The following TAB2 variants were observed in gnomAD, a reference collection of about 807,000 sequenced individuals.
The protein encoded by TAB2 is TGF-beta activated kinase 1 (MAP3K7) binding protein 2.
TAB2 carries 3 observed loss-of-function variants against 65.0 expected under a neutral mutation model. The ratio of observed to expected loss-of-function variants is 0.05; its 90% CI spans 0.02 to 0.12. The LOEUF is 0.12. Ranked by LOEUF, TAB2 falls within the 10% of genes least tolerant of loss-of-function variation. The probability of loss-of-function intolerance (pLI) is 1.00; values close to 1 mark genes in which losing one functional copy is unlikely to be tolerated. For synonymous variants in TAB2, 298 were observed against 285.1 expected (o/e 1.05, Z -0.46); for missense variants, 623 against 840.3 (o/e 0.74, Z 3.20).
At chr6:149,271,099 T>C (rs953196707) in intron 1 of TAB2, among the ~76,000 whole-genome samples, 3 of 152,000 alleles carry the variant, frequency 2.0e-5, no homozygotes, top group African/African-American at 7.3e-5. Flanking sequence ...TGTTAGCTAC[T>C]TGGGAGGCTT....
At chr6:149,370,167 A>C in intron 2 of TAB2, 68 bp downstream of exon 2, 1 of 1,320,494 alleles carries the variant, frequency 7.6e-7, no homozygotes, top group Non-Finnish European at 1.1e-6. Context: ...TGGAAGAAAA[A>C]CTCTTTTAGG....
chr6:149,287,025 G>A (rs1225363747), intron 1 of TAB2, among the ~76,000 whole-genome samples: 2 of 152,158 alleles, frequency 1.3e-5, no homozygotes, highest in Non-Finnish European at 2.9e-5. Flanking sequence ...GCTCAGACAG[G>A]AGAATCACTT....
At chr6:149,224,565 C>T (rs1055205016) in intron 1 of TAB2, among the ~76,000 whole-genome samples, 2 of 152,170 alleles carry the variant, frequency 1.3e-5, no homozygotes, top group Admixed American at 1.3e-4. Context: ...GCACCACTTA[C>T]GGCGGTTCTC....
intron 6 of TAB2, among the ~76,000 whole-genome samples, chr6:149,406,481 G>A (rs912149281): frequency 5.9e-5 from 9 of 152,112 alleles, no homozygotes; most frequent in Non-Finnish European, 1.3e-4. Context: ...CATACTGGTA[G>A]GAATACCATG....
intron 1 of TAB2, among the ~76,000 whole-genome samples, chr6:149,260,356 C>G (rs1283325694): frequency 6.6e-6 from 1 of 152,216 alleles, no homozygotes; most frequent in African/African-American, 2.4e-5. Flanking sequence ...CCAGCGCAGC[C>G]TTCTCAGGGT....
At chr6:149,239,414 A>T (rs1282147033) in intron 1 of TAB2, among the ~76,000 whole-genome samples, 1 of 152,202 alleles carries the variant, frequency 6.6e-6, no homozygotes, top group Non-Finnish European at 1.5e-5. Context: ...CAGCCACAAC[A>T]TCACTGTCAA....
At chr6:149,338,605 C>A (rs1780004235) in intron 1 of TAB2, among the ~76,000 whole-genome samples, 1 of 152,302 alleles carries the variant, frequency 6.6e-6, no homozygotes, top group East Asian at 1.9e-4. Context: ...CATATTTTTG[C>A]TTCACATGAA....
In TAB2 at chr6:149,366,721, C is replaced by T. The variant is rs113239924; in HGVS notation, c.-89-3188C>T. Reference sequence around the variant, plus strand: ...TTCATGAAAGATTTGGTCTGGTAGGCGTTACTCAGCCATCACAGGAAGTAG... The same window carrying T: ...TTCATGAAAGATTTGGTCTGGTAGGTGTTACTCAGCCATCACAGGAAGTAG... On this transcript the variant is annotated intron_variant, in intron 1 of 6. Transcript: ENST00000637181. Among the ~76,000 whole-genome samples the T allele has an allele frequency of 4.4e-3, 666 of 152,116 alleles. 1 individual carries two copies. Among genetic ancestry groups the T allele is most frequent in the African/African-American group, 0.015 (643 of 41,510 alleles).
At chr6:149,268,181 T>A (rs1456492428) in intron 1 of TAB2, among the ~76,000 whole-genome samples, 2 of 152,156 alleles carry the variant, frequency 1.3e-5, no homozygotes, top group East Asian at 1.9e-4. Context: ...AGGGCTGATG[T>A]GGCCCTCCAT....
chr6:149,292,097 G>A (rs1429733740), intron 1 of TAB2, among the ~76,000 whole-genome samples: 1 of 152,142 alleles, frequency 6.6e-6, no homozygotes, highest in African/African-American at 2.4e-5. Context: ...AGACCTAAAT[G>A]AGAAACTTCA....
At chr6:149,327,398 C>T (rs1779652056) in intron 1 of TAB2, among the ~76,000 whole-genome samples, 1 of 152,074 alleles carries the variant, frequency 6.6e-6, no homozygotes, top group South Asian at 2.1e-4. Context: ...ATTTCTAGGC[C>T]CAAGCCATCC....
intron 2 of TAB2, among the ~76,000 whole-genome samples, chr6:149,376,757 T>C (rs1781410375): frequency 6.6e-6 from 1 of 152,254 alleles, no homozygotes; most frequent in Admixed American, 6.5e-5. Flanking sequence ...TGGTTTTATA[T>C]GTCTTTGATT....
At chr6:149,318,584 C>G (rs532014639) in intron 1 of TAB2, 3 of 152,300 alleles carry the variant, frequency 2.0e-5, no homozygotes, top group Non-Finnish European at 4.4e-5. Flanking sequence ...GCAAGCCCTA[C>G]TATGAATATG....
intron 1 of TAB2, among the ~76,000 whole-genome samples, chr6:149,324,663 A>G (rs1256488619): frequency 1.3e-5 from 2 of 152,140 alleles, no homozygotes; most frequent in African/African-American, 4.8e-5. Flanking sequence ...TTGCTAATGC[A>G]GATGAAAACT....
At chr6:149,333,708 A>AGTGTGTGTGTGTGTGT (rs61004397) in intron 1 of TAB2, among the ~76,000 whole-genome samples, 7 of 144,790 alleles carry the variant, frequency 4.8e-5, no homozygotes, top group African/African-American at 1.0e-4. Context: ...CCAGATCCAT[A>AGTGTGTGTGTGTGTGT]GTGTGTGTGT....
intron 1 of TAB2, among the ~76,000 whole-genome samples, chr6:149,346,264 G>A (rs1475497821): frequency 1.3e-5 from 2 of 151,976 alleles, no homozygotes; most frequent in Non-Finnish European, 2.9e-5. Context: ...GCCCACGCAT[G>A]CACGCATGCA....
intron 1 of TAB2, chr6:149,342,613 CATA>C (rs1358843824): frequency 6.6e-6 from 1 of 152,166 alleles, no homozygotes; most frequent in Admixed American, 6.5e-5. Context: ...TATTACATCT[CATA>C]ATGTTATCTG....
chr6:149,382,932 T>TC (rs1250180196), intron 3 of TAB2, among the ~76,000 whole-genome samples: 1 of 152,100 alleles, frequency 6.6e-6, no homozygotes, highest in East Asian at 1.9e-4. Context: ...GGCGGGTGGA[T>TC]CACAAGGTCA....
At chr6:149,254,260 G>A (rs932299944) in intron 1 of TAB2, among the ~76,000 whole-genome samples, 3 of 152,218 alleles carry the variant, frequency 2.0e-5, no homozygotes, top group African/African-American at 7.2e-5. Context: ...ATCTATGGAG[G>A]AGTACAGAGC....
Sources: allele counts gnomAD v4.1 joint callset (sites outside exome capture counted in the v4.1 genomes callset), GRCh38; gene constraint gnomAD v4.1.1; transcripts MANE v1.5; gene names NCBI Gene and HGNC (gene_info 2026-07-23, HGNC 2026-07-21).